Variants in NRXN3 observed in about 807,000 individuals in gnomAD.
The protein encoded by NRXN3 is neurexin 3.
A neutral mutation model predicts 137.6 loss-of-function variants in NRXN3; 32 were observed. That is an observed-to-expected ratio of 0.23 (90% CI 0.18 to 0.31). NRXN3 has a LOEUF of 0.31. NRXN3 is among the 10% of genes least tolerant of loss of function. NRXN3 has a pLI of 1.00. For synonymous variants in NRXN3, 798 were observed against 784.5 expected, an observed-to-expected ratio of 1.02 and a Z score of -0.29; for missense variants, 1,574 against 2,062.5, an observed-to-expected ratio of 0.76 and a Z score of 4.59.
chr14:79,490,149 A>G (rs2096702191), intron 16 of NRXN3, among the ~76,000 whole-genome samples: 1 of 152,154 alleles, frequency 6.6e-6, no homozygotes, highest in Non-Finnish European at 1.5e-5. Flanking sequence ...GCTTATACCC[A>G]AAGATAGGCA....
At chr14:79,461,343 A>G (rs765647016) in intron 15 of NRXN3, among the ~76,000 whole-genome samples, 5 of 152,198 alleles carry the variant, frequency 3.3e-5, no homozygotes, top group Non-Finnish European at 7.4e-5. Context: ...AATATTTGCC[A>G]TTAATATTTC....
At chr14:79,177,322 C>T (rs1247554429) in intron 15 of NRXN3, among the ~76,000 whole-genome samples, 2 of 152,056 alleles carry the variant, frequency 1.3e-5, no homozygotes, top group African/African-American at 2.4e-5. Flanking sequence ...ACAGACCCAC[C>T]CGCTCACTCC....
chr14:78,260,602 G>T (rs557525921), intron 2 of NRXN3, among the ~76,000 whole-genome samples: 3 of 152,176 alleles, frequency 2.0e-5, no homozygotes, highest in South Asian at 4.1e-4. Flanking sequence ...GAATCATGGG[G>T]GCAGGTCTTT....
chr14:79,585,046 T>G (rs566222763), intron 16 of NRXN3, among the ~76,000 whole-genome samples: 170 of 152,340 alleles, frequency 1.1e-3, no homozygotes, highest in African/African-American at 3.8e-3. Context: ...TGCTAGAGAC[T>G]AGAGGGCAGG....
In NRXN3 at chr14:78,297,910, C is replaced by T. The variant is rs942562698; in HGVS notation, c.757+50C>T. 7.4e-5 allele frequency: 114 copies of T among 1,534,622 alleles called. No individual in the cohort carries two copies. The African/African-American group carries it at 7.5e-4, about 10-fold the overall frequency. ...TGCAGCTGCCTGAACTGCTTGCCTC[C>T]GTGCCTCTGGCTGGTCACAGAGCCT... On this transcript the variant is annotated intron_variant, in intron 4 of 20. Coordinates refer to ENST00000335750, the MANE Select transcript of NRXN3 (RefSeq NM_001330195.2).
intron 15 of NRXN3, among the ~76,000 whole-genome samples, chr14:79,340,650 A>G (rs1353766733): frequency 2.0e-5 from 3 of 152,142 alleles, no homozygotes; most frequent in Admixed American, 6.5e-5. Context: ...TTTTTAGCAG[A>G]GACAGGTTTC....
intron 16 of NRXN3, among the ~76,000 whole-genome samples, chr14:79,530,059 AC>A (rs1194344928): frequency 2.0e-5 from 3 of 152,308 alleles, no homozygotes; most frequent in East Asian, 3.9e-4. Context: ...ATCTGGAAAT[AC>A]CTAAAAACAT....
At chr14:79,681,191 C>A (rs1228906223) in intron 17 of NRXN3, among the ~76,000 whole-genome samples, 1 of 152,132 alleles carries the variant, frequency 6.6e-6, no homozygotes, top group African/African-American at 2.4e-5. Context: ...AAGACTTTTG[C>A]CACACAAACT....
chr14:79,828,485 T>C (rs1290301630), intron 20 of NRXN3, among the ~76,000 whole-genome samples: 1 of 151,820 alleles, frequency 6.6e-6, no homozygotes, highest in East Asian at 1.9e-4. Flanking sequence ...CCAGGCATGG[T>C]GGCAGGCACC....
intron 16 of NRXN3, among the ~76,000 whole-genome samples, chr14:79,648,495 T>A (rs2098461575): frequency 7.4e-6 from 1 of 135,890 alleles, no homozygotes; most frequent in South Asian, 2.3e-4. Flanking sequence ...ATAAAACTTA[T>A]GTGAGCACTC....
intron 15 of NRXN3, among the ~76,000 whole-genome samples, chr14:79,304,989 A>G (rs959206339): frequency 1.3e-5 from 2 of 152,104 alleles, no homozygotes; most frequent in Non-Finnish European, 2.9e-5. Flanking sequence ...TGAATCTTGC[A>G]GCCTGCCAGA....
At chr14:78,555,793 A>G (rs2096731809) in intron 4 of NRXN3, among the ~76,000 whole-genome samples, 1 of 152,222 alleles carries the variant, frequency 6.6e-6, no homozygotes, top group Non-Finnish European at 1.5e-5. Context: ...TAAAAATTTT[A>G]TTTCCAACGT....
chr14:78,519,168 A>G (rs2096252489), intron 4 of NRXN3, among the ~76,000 whole-genome samples: 1 of 152,132 alleles, frequency 6.6e-6, no homozygotes, highest in Admixed American at 6.5e-5. Flanking sequence ...GAAAGTTGAG[A>G]CTTATGGTAG....
chr14:79,696,468 C>A (rs1316144528), intron 18 of NRXN3, among the ~76,000 whole-genome samples: 1 of 151,568 alleles, frequency 6.6e-6, no homozygotes, highest in African/African-American at 2.4e-5. Context: ...TTCTTTTTTC[C>A]TTTCTTCATA....
intron 10 of NRXN3, among the ~76,000 whole-genome samples, chr14:78,895,086 G>T (rs2152719089): frequency 6.6e-6 from 1 of 151,782 alleles, no homozygotes; most frequent in Non-Finnish European, 1.5e-5. Flanking sequence ...TCAACTTAAA[G>T]TCACCAGCTG....
intron 4 of NRXN3, among the ~76,000 whole-genome samples, chr14:78,443,461 T>G (rs1285567721): frequency 6.6e-6 from 1 of 152,128 alleles, no homozygotes; most frequent in Non-Finnish European, 1.5e-5. Context: ...AAAGGAAAAT[T>G]GCCAGGCCAG....
At chr14:78,294,555 CAAAAAAAAAA>C (rs199592742) in intron 3 of NRXN3, among the ~76,000 whole-genome samples, 1 of 106,460 alleles carries the variant, frequency 9.4e-6, no homozygotes, top group African/African-American at 3.8e-5. Context: ...GATTCCGTCT[CAAAAAAAAAA>C]AAAAAAAAAA....
chr14:78,920,289 A>G (rs1361902547), intron 10 of NRXN3, among the ~76,000 whole-genome samples: 2 of 152,212 alleles, frequency 1.3e-5, no homozygotes, highest in African/African-American at 2.4e-5. Context: ...AGGTGATGCC[A>G]GTCACCTTGA....
chr14:79,808,485 T>C (rs1048158953), intron 20 of NRXN3, among the ~76,000 whole-genome samples: 1 of 151,924 alleles, frequency 6.6e-6, no homozygotes, highest in African/African-American at 2.4e-5. Flanking sequence ...AAAATTCTGG[T>C]TTTGAACACC....
Sources: allele counts gnomAD v4.1 joint callset (sites outside exome capture counted in the v4.1 genomes callset), GRCh38; gene constraint gnomAD v4.1.1; transcripts MANE v1.5; gene names NCBI Gene and HGNC (gene_info 2026-07-23, HGNC 2026-07-21).